Variants in MGAT4C observed in about 807,000 individuals in gnomAD.
MGAT4C encodes the protein alpha-1,3-mannosyl-glycoprotein 4-beta-N-acetylglucosaminyltransferase C.
A neutral mutation model predicts 40.1 loss-of-function variants in MGAT4C; 19 were observed. The ratio of observed to expected loss-of-function variants is 0.47; its 90% confidence interval spans 0.33 to 0.70. The LOEUF (loss-of-function observed/expected upper bound fraction) is 0.70. Among genes scored for constraint, MGAT4C ranks in the 30% least tolerant of loss-of-function variants. MGAT4C has a pLI of 0.02. For synonymous variants in MGAT4C, 181 were observed against 187.1 expected (o/e 0.97, Z 0.27); for missense variants, 491 against 563.2 (o/e 0.87, Z 1.30).
intron 2 of MGAT4C, among the ~76,000 whole-genome samples, chr12:86,451,431 A>G (rs1957424034): frequency 6.6e-6 from 1 of 152,154 alleles, no homozygotes; most frequent in Non-Finnish European, 1.5e-5. Flanking sequence ...TAGCAATGTG[A>G]GAACAAACTA....
chr12:86,722,679 C>G (rs1207369310), intron 2 of MGAT4C, among the ~76,000 whole-genome samples: 1 of 152,110 alleles, frequency 6.6e-6, no homozygotes, highest in Non-Finnish European at 1.5e-5. Context: ...GCTGTTGTTA[C>G]TAAAAGATTC....
At chr12:86,617,323 G>A (rs1304893428) in intron 2 of MGAT4C, among the ~76,000 whole-genome samples, 1 of 152,090 alleles carries the variant, frequency 6.6e-6, no homozygotes, top group Non-Finnish European at 1.5e-5. Context: ...TTATCATTGC[G>A]ATCTGCATCC....
At chr12:86,479,802 C>A (rs1055981510) in intron 2 of MGAT4C, among the ~76,000 whole-genome samples, 2 of 151,402 alleles carry the variant, frequency 1.3e-5, no homozygotes, top group South Asian at 2.1e-4. Context: ...TAAGCCTCAT[C>A]AAAAATAAAA....
At chr12:86,024,267 TC>T in intron 2 of MGAT4C, among the ~76,000 whole-genome samples, 2 of 151,012 alleles carry the variant, frequency 1.3e-5, no homozygotes, top group Middle Eastern at 6.8e-3. Context: ...TTTTGACTCT[TC>T]CTTTTGTCTT....
chr12:86,311,014 T>C (rs1954060260), intron 4 of MGAT4C, among the ~76,000 whole-genome samples: 1 of 152,240 alleles, frequency 6.6e-6, no homozygotes, highest in Non-Finnish European at 1.5e-5. Flanking sequence ...CAAGGCCCGA[T>C]GGGTCCTGCT....
chr12:86,416,850 C>T (rs558940120), intron 3 of MGAT4C, among the ~76,000 whole-genome samples: 1 of 152,174 alleles, frequency 6.6e-6, no homozygotes, highest in South Asian at 2.1e-4. Flanking sequence ...GTCTTCATTG[C>T]AGATATAATC....
At chr12:86,101,657 G>A (rs947689615) in intron 1 of MGAT4C, among the ~76,000 whole-genome samples, 1 of 151,774 alleles carries the variant, frequency 6.6e-6, no homozygotes, top group African/African-American at 2.4e-5. Flanking sequence ...AATCATCTAT[G>A]TAGGTAACCA....
intron 2 of MGAT4C, among the ~76,000 whole-genome samples, chr12:86,701,636 G>A (rs1950366626): frequency 6.6e-6 from 1 of 152,114 alleles, no homozygotes; most frequent in Non-Finnish European, 1.5e-5. Context: ...TCTAAGGGTT[G>A]AAGTAAAAGA....
Position 86,000,465 on chromosome 12 carries a change from G to A in MGAT4C, c.-6-10913C>T, listed in dbSNP as rs1417536378. On this transcript the variant is annotated intron_variant, in intron 2 of 4. Transcript: ENST00000611864. ...TAAGTTTGACAAGTTAAACAAAATG[G>A]AGAAATTCCTTGCAACACAGAAAAA... is the stretch of plus-strand genomic sequence containing the variant. Among the ~76,000 whole-genome samples, 4 of 152,010 alleles carry A rather than the reference G, an allele frequency of 2.6e-5. No individual in the cohort carries two copies. In the South Asian group the frequency reaches 6.2e-4, roughly 24 times the overall value.
intron 2 of MGAT4C, among the ~76,000 whole-genome samples, chr12:86,624,629 A>T (rs1962743417): frequency 6.6e-6 from 1 of 152,184 alleles, no homozygotes; most frequent in Non-Finnish European, 1.5e-5. Context: ...AAAGATAGCA[A>T]CAAAATAAAT....
chr12:86,121,873 C>G (rs1879429985), intron 1 of MGAT4C, among the ~76,000 whole-genome samples: 1 of 152,124 alleles, frequency 6.6e-6, no homozygotes, highest in Non-Finnish European at 1.5e-5. Flanking sequence ...GCTTCCATAG[C>G]TTTGGAATAG....
chr12:86,563,589 T>C (rs1052443882), intron 2 of MGAT4C, among the ~76,000 whole-genome samples: 2 of 152,160 alleles, frequency 1.3e-5, no homozygotes, highest in African/African-American at 4.8e-5. Context: ...AAGGACCCAA[T>C]TACACTACTG....
At chr12:86,790,879 C>T (rs1354958406) in intron 1 of MGAT4C, among the ~76,000 whole-genome samples, 2 of 151,986 alleles carry the variant, frequency 1.3e-5, no homozygotes, top group African/African-American at 4.8e-5. Flanking sequence ...TAAACAAATA[C>T]CCAGTGTTTT....
chr12:86,731,713 C>CT (rs1000505518), intron 1 of MGAT4C, among the ~76,000 whole-genome samples: 10 of 151,990 alleles, frequency 6.6e-5, no homozygotes, highest in African/African-American at 2.4e-4. Context: ...CTTGTAGTGA[C>CT]TGAAGACAAG....
At chr12:86,694,465 A>C (rs1171000243) in intron 2 of MGAT4C, among the ~76,000 whole-genome samples, 6 of 152,200 alleles carry the variant, frequency 3.9e-5, no homozygotes, top group Non-Finnish European at 8.8e-5. Context: ...GAGCTATTAG[A>C]GTACAGGAAT....
intron 3 of MGAT4C, among the ~76,000 whole-genome samples, chr12:86,411,791 C>G (rs1956610353): frequency 6.6e-6 from 1 of 152,118 alleles, no homozygotes; most frequent in Non-Finnish European, 1.5e-5. Context: ...CCTCAGAGGT[C>G]TTCACACCAG....
At chr12:86,105,222 A>C (rs916977358) in intron 1 of MGAT4C, among the ~76,000 whole-genome samples, 1 of 152,090 alleles carries the variant, frequency 6.6e-6, no homozygotes, top group African/African-American at 2.4e-5. Context: ...AAATTTAGGG[A>C]ATCTATTTTC....
intron 1 of MGAT4C, among the ~76,000 whole-genome samples, chr12:86,816,308 G>A (rs982407076): frequency 6.6e-6 from 1 of 151,692 alleles, no homozygotes; most frequent in Non-Finnish European, 1.5e-5. Flanking sequence ...TAAACCTTGT[G>A]TATCTACTTA....
chr12:86,657,945 TA>T (rs1248489542), intron 2 of MGAT4C, among the ~76,000 whole-genome samples: 1 of 152,002 alleles, frequency 6.6e-6, no homozygotes, highest in East Asian at 1.9e-4. Context: ...CAGTACTTTT[TA>T]AATATTCTAT....
Sources: gnomAD v4.1 joint callset for allele counts (sites outside exome capture counted in the v4.1 genomes callset) on GRCh38, gnomAD v4.1.1 for gene constraint, MANE v1.5 for transcripts, NCBI Gene and HGNC (gene_info 2026-07-23, HGNC 2026-07-21) for gene names.